RNF212B: variants seen among roughly 807,000 people sequenced by gnomAD.
The protein encoded by RNF212B is ring finger protein 212B.
A neutral mutation model predicts 55.5 loss-of-function variants in RNF212B; 52 were observed. That is an observed-to-expected ratio of 0.94 (90% confidence interval 0.75 to 1.18). RNF212B has a LOEUF of 1.18. Among genes scored for constraint, RNF212B ranks in the 50% most tolerant of loss-of-function variants. The pLI is 0.00. For missense variants in RNF212B, 289 were observed against 350.4 expected (o/e 0.82, Z 1.40); for synonymous variants, 99 against 121.4 (o/e 0.82, Z 1.21).
At chr14:23,260,497 A>G (rs1885213713) in intron 6 of RNF212B, among the ~76,000 whole-genome samples, 162 bp from the exon 7 acceptor site, 1 of 152,166 alleles carries the variant, frequency 6.6e-6, no homozygotes, top group Non-Finnish European at 1.5e-5. Flanking sequence ...CAAAGCTAAT[A>G]ATATCCTAAG....
chr14:23,227,648 CTGGAGGCAG>C (rs1882155787), intron 2 of RNF212B, among the ~76,000 whole-genome samples: 1 of 152,142 alleles, frequency 6.6e-6, no homozygotes, highest in Admixed American at 6.5e-5. Context: ...GTCACCCAGG[CTGGAGGCAG>C]TGGTGCAATC....
intron 2 of RNF212B, among the ~76,000 whole-genome samples, chr14:23,220,418 G>C (rs376326530): frequency 2.0e-5 from 3 of 151,992 alleles, no homozygotes; most frequent in African/African-American, 7.3e-5. Flanking sequence ...TGTAGTTCCA[G>C]CTACTTGGGA....
intron 2 of RNF212B, among the ~76,000 whole-genome samples, chr14:23,213,244 C>T (rs1419939692): frequency 3.3e-5 from 5 of 151,380 alleles, no homozygotes; most frequent in Admixed American, 6.6e-5. Flanking sequence ...ACCCGTGAGG[C>T]GGAGCTTGCA....
chr14:23,236,688 C>T (rs188419038), upstream of RNF212B, among the ~76,000 whole-genome samples: 162 of 152,036 alleles, frequency 1.1e-3, no homozygotes, highest in African/African-American at 3.7e-3. Context: ...TTGGTAGATG[C>T]AATTTACATA....
intron 5 of RNF212B, 150 bp from the exon 6 acceptor site, chr14:23,259,734 C>A: frequency 2.2e-6 from 1 of 457,422 alleles, no homozygotes; most frequent in Non-Finnish European, 3.9e-6. Flanking sequence ...CATTAGTCTC[C>A]TTGAATCATC....
At chr14:23,208,848 T>A (rs1880153947) in intron 2 of RNF212B, among the ~76,000 whole-genome samples, 1 of 141,868 alleles carries the variant, frequency 7.0e-6, no homozygotes, top group African/African-American at 2.7e-5. Flanking sequence ...AAGCTCTGCC[T>A]CCCAGGTTCA....
At chr14:23,194,419 G>T (rs1878434302) in intron 2 of RNF212B, among the ~76,000 whole-genome samples, 1 of 152,056 alleles carries the variant, frequency 6.6e-6, no homozygotes, top group Admixed American at 6.6e-5. Flanking sequence ...ATCATTGGGA[G>T]AAATTTTAAT....
rs141541711 is a variant in RNF212B at position 23,263,950 on chromosome 14, T to C, written c.525-224T>C. ...TAAAAATACAAAACTTAGCTGGGCATGGTGGTGCACGCCTGTAGTCCTAGC... is the reference window on the plus strand; with the variant it reads ...TAAAAATACAAAACTTAGCTGGGCACGGTGGTGCACGCCTGTAGTCCTAGC... On this transcript the variant is annotated intron_variant, in intron 9 of 14. Transcript: ENST00000430154. Among the ~76,000 whole-genome samples the C allele has an allele frequency of 3.9e-5, 6 of 152,174 alleles. No homozygotes were observed. The East Asian group carries it at 1.2e-3, about 29-fold the overall frequency.
chr14:23,198,341 C>T (rs568805875), intron 2 of RNF212B, among the ~76,000 whole-genome samples: 1 of 152,238 alleles, frequency 6.6e-6, no homozygotes, highest in African/African-American at 2.4e-5. Context: ...TTGGTATCAA[C>T]TAATATCCAG....
chr14:23,238,973 A>C (rs1490021462), intron 1 of RNF212B, among the ~76,000 whole-genome samples: 1 of 152,146 alleles, frequency 6.6e-6, no homozygotes, highest in Non-Finnish European at 1.5e-5. Context: ...CAAGTCATTT[A>C]ATTTTACTGA....
chr14:23,208,844 T>C (rs55683744), intron 2 of RNF212B, among the ~76,000 whole-genome samples: 26,057 of 135,858 alleles, frequency 0.19, 3,329 homozygotes, highest in African/African-American at 0.37. Flanking sequence ...CTGCAAGCTC[T>C]GCCTCCCAGG....
At chr14:23,206,792 TA>T (rs1879879880) in intron 2 of RNF212B, among the ~76,000 whole-genome samples, 1 of 152,062 alleles carries the variant, frequency 6.6e-6, no homozygotes, top group Non-Finnish European at 1.5e-5. Context: ...TACTCTGTCT[TA>T]AAAACCCAAG....
At chr14:23,245,803 A>G (rs1883934659) in intron 4 of RNF212B, among the ~76,000 whole-genome samples, 1 of 152,082 alleles carries the variant, frequency 6.6e-6, no homozygotes, top group African/African-American at 2.4e-5. Context: ...TATGTTATAT[A>G]TTTGTTGTCT....
At chr14:23,221,876 C>T (rs1159868687) in intron 2 of RNF212B, among the ~76,000 whole-genome samples, 2 of 152,068 alleles carry the variant, frequency 1.3e-5, no homozygotes, top group Non-Finnish European at 2.9e-5. Context: ...AAACAGTATG[C>T]TTCTGAATGA....
Position 23,258,606 on chromosome 14 carries a change from A to G in RNF212B, c.286A>G (p.Ile96Val). 3 of 1,545,712 alleles carry G rather than the reference A, an allele frequency of 1.9e-6. No individual in the cohort carries two copies. The highest frequency in any genetic ancestry group is 2.6e-6 in the Non-Finnish European group (3 of 1,144,656). ...DLLIAFYKHRITKLETAMQEA... is the reference protein window; with the variant it reads ...DLLIAFYKHRVTKLETAMQEA... ...CCTCATCGCCTTTTATAAGCATAGA[A>G]TTACAAAGTTAGAAACAGCCATGCA... is the stretch of plus-strand genomic sequence containing the variant. Residue 96 changes from isoleucine (I) to valine (V), a missense_variant, in exon 5 of 15, where the codon ATT becomes GTT. Transcript: ENST00000430154.
intron 2 of RNF212B, among the ~76,000 whole-genome samples, chr14:23,200,384 G>A (rs6573034): frequency 6.6e-5 from 10 of 152,036 alleles, no homozygotes; most frequent in African/African-American, 2.4e-4. Flanking sequence ...AGAGTGCAAT[G>A]GCATGATCTT....
At chr14:23,208,821 C>A (rs1235828646) in intron 2 of RNF212B, among the ~76,000 whole-genome samples, 1 of 117,962 alleles carries the variant, frequency 8.5e-6, no homozygotes, top group African/African-American at 3.4e-5. Context: ...TGCAATGGCG[C>A]GATCTCAGGT....
In RNF212B at chr14:23,268,664, G is replaced by A. The variant is rs185850866; in HGVS notation, c.635-260G>A. 1.1e-3 allele frequency among the ~76,000 whole-genome samples: 161 copies of A among 152,172 alleles called. 1 individual carries two copies. Among genetic ancestry groups the A allele is most frequent in the Non-Finnish European group, 1.8e-3 (125 of 68,012 alleles). On this transcript the variant is annotated intron_variant, in intron 11 of 14. Transcript: ENST00000430154. ...TTTCTGGTGATTTCCATCTTAGAGG[G>A]GAAACCAAGGCACAGATACATGAGA...
At chr14:23,242,843 G>C (rs911477090) in intron 2 of RNF212B, among the ~76,000 whole-genome samples, 1 of 151,964 alleles carries the variant, frequency 6.6e-6, no homozygotes, top group Admixed American at 6.6e-5. Context: ...AGTTGAGGTG[G>C]TGGTGTGCGC....
Sources: gnomAD v4.1 joint callset for allele counts (sites outside exome capture counted in the v4.1 genomes callset) on GRCh38, gnomAD v4.1.1 for gene constraint, MANE v1.5 for transcripts, NCBI Gene and HGNC (gene_info 2026-07-23, HGNC 2026-07-21) for gene names.